ELF5: variants seen among roughly 807,000 people sequenced by gnomAD.
ELF5 encodes E74 like ETS transcription factor 5, also known as ETS-related transcription factor Elf-5.
A neutral mutation model predicts 38.2 loss-of-function variants in ELF5; 31 were observed. The observed-to-expected ratio is 0.81, with a 90% CI of 0.61 to 1.10. The LOEUF (loss-of-function observed/expected upper bound fraction) is 1.10, where lower values mean the gene tolerates loss of function less well. Ranked by LOEUF, ELF5 falls within the 50% of genes least tolerant of loss-of-function variation. The probability of loss-of-function intolerance (pLI) is 0.00; values close to 1 mark genes in which losing one functional copy is unlikely to be tolerated. For synonymous variants in ELF5, 121 were observed against 112.5 expected, an observed-to-expected ratio of 1.08 and a Z score of -0.48; for missense variants, 300 against 306.6, an observed-to-expected ratio of 0.98 and a Z score of 0.16.
At chr11:34,496,991 A>G (rs917455653) in intron 2 of ELF5, among the ~76,000 whole-genome samples, 2 of 152,210 alleles carry the variant, frequency 1.3e-5, no homozygotes, top group African/African-American at 4.8e-5. Flanking sequence ...GATATGTGTA[A>G]TTGTAATTAT....
rs1431731341 is a variant in ELF5 at position 34,511,583 on chromosome 11, C to T, written c.-5+2094G>A. 11 of 1,614,152 alleles carry T rather than the reference C, an allele frequency of 6.8e-6. No individual in the cohort carries two copies. In the South Asian group the frequency reaches 9.9e-5, roughly 15 times the overall value. ...CAGAGATGGCATGGAAGCTGAGGTC[C>T]CCAGATGCCTCCAGTGGCTTCTGAA... On this transcript the variant is annotated intron_variant, in intron 1 of 6. Coordinates refer to ENST00000257832, the MANE Select transcript of ELF5 (RefSeq NM_001422.4).
At chr11:34,495,689 G>A (rs1389111001) in intron 2 of ELF5, among the ~76,000 whole-genome samples, 1 of 152,248 alleles carries the variant, frequency 6.6e-6, no homozygotes, top group Non-Finnish European at 1.5e-5. Context: ...GCTTGAGGCT[G>A]ATGTCGTAGC....
intron 1 of ELF5, among the ~76,000 whole-genome samples, chr11:34,508,793 G>C (rs1590344485): frequency 6.6e-6 from 1 of 152,190 alleles, no homozygotes; most frequent in Non-Finnish European, 1.5e-5. Context: ...CAGGGAATTT[G>C]TGTAACTAGC....
intron 4 of ELF5, among the ~76,000 whole-genome samples, chr11:34,484,755 C>T (rs1480731906): frequency 1.3e-5 from 2 of 152,120 alleles, no homozygotes; most frequent in Non-Finnish European, 2.9e-5. Context: ...TGACCCCCAT[C>T]CAGATCTCCA....
At chr11:34,504,400 CGTGTGT>C (rs71674477) in intron 2 of ELF5, among the ~76,000 whole-genome samples, 1 of 151,720 alleles carries the variant, frequency 6.6e-6, no homozygotes, top group Non-Finnish European at 1.5e-5. Flanking sequence ...TTCACATGTG[CGTGTGT>C]GTGTGTGCAC....
intron 2 of ELF5, among the ~76,000 whole-genome samples, chr11:34,500,932 A>G (rs1390251955): frequency 6.6e-6 from 1 of 152,076 alleles, no homozygotes; most frequent in Admixed American, 6.6e-5. Flanking sequence ...ATAATATTAT[A>G]GCTAACATAT....
At position 34,479,352 on chromosome 11, in the gene ELF5, G is replaced by T. The variant is rs897483788; in HGVS notation, c.*866C>A. 6 of 152,174 alleles carry T rather than the reference G, an allele frequency of 3.9e-5. No homozygotes were observed. In the East Asian group the frequency reaches 1.2e-3, roughly 29 times the overall value. 9.4% of individuals were successfully genotyped at this position (152,174 alleles called of 1,614,324 possible). On this transcript the variant is annotated 3_prime_UTR_variant, in exon 7 of 7. Transcript: ENST00000257832. Reference sequence around the variant, plus strand: ...ATGCCAGTGTCTGTTGACTAACTCTGCATATCAGATGCCAGCCATCAGTTA... The same window carrying T: ...ATGCCAGTGTCTGTTGACTAACTCTTCATATCAGATGCCAGCCATCAGTTA...
intron 4 of ELF5, among the ~76,000 whole-genome samples, chr11:34,485,951 C>T (rs1849982226): frequency 6.6e-6 from 1 of 152,134 alleles, no homozygotes; most frequent in African/African-American, 2.4e-5. Context: ...GACTATGTCC[C>T]TGCAGCTGGT....
chr11:34,504,801 T>C (rs1850565532), intron 2 of ELF5, among the ~76,000 whole-genome samples: 2 of 152,070 alleles, frequency 1.3e-5, no homozygotes, highest in Non-Finnish European at 2.9e-5. Context: ...CCCTCCGGCA[T>C]GGGATTTTCT....
At chr11:34,504,631 A>T (rs1419972720) in intron 2 of ELF5, among the ~76,000 whole-genome samples, 1 of 152,222 alleles carries the variant, frequency 6.6e-6, no homozygotes, top group African/African-American at 2.4e-5. Flanking sequence ...GTTAACACTC[A>T]GTGAGGACTG....
Position 34,480,323 on chromosome 11 carries a change from GC to G in ELF5, c.672-10del, listed in dbSNP as rs755274944. ...CTGTTTTATAGTAGTATCTGAAAAA[GC>G]AAGCAGAAGAGAAATTCTGGGAGAG... is the stretch of plus-strand genomic sequence containing the variant. On this transcript the variant is annotated splice_polypyrimidine_tract_variant and intron_variant, in intron 6 of 6. Transcript: ENST00000257832. 6.2e-6 allele frequency: 10 copies of G among 1,608,858 alleles called. No individual in the cohort carries two copies. The highest frequency in any genetic ancestry group is 1.7e-4 in the Middle Eastern group (1 of 6,058).
chr11:34,509,159 G>T (rs559535254), intron 1 of ELF5, among the ~76,000 whole-genome samples: 8 of 152,178 alleles, frequency 5.3e-5, no homozygotes, highest in Non-Finnish European at 7.4e-5. Context: ...GCGAAACCCC[G>T]TCTCCACTAA....
chr11:34,491,074 G>C (rs1850160205), intron 3 of ELF5, among the ~76,000 whole-genome samples: 1 of 152,138 alleles, frequency 6.6e-6, no homozygotes, highest in African/African-American at 2.4e-5. Context: ...CCATAAAACT[G>C]CCTTATTCTG....
At chr11:34,495,749 C>T (rs1448734393) in intron 2 of ELF5, among the ~76,000 whole-genome samples, 3 of 152,262 alleles carry the variant, frequency 2.0e-5, no homozygotes, top group Non-Finnish European at 4.4e-5. Context: ...ACCGATGACT[C>T]AGGTCTTGCT....
At chr11:34,487,768 AGCGGTTCAAGATG>A (rs532169812) in intron 4 of ELF5, among the ~76,000 whole-genome samples, 36 of 152,094 alleles carry the variant, frequency 2.4e-4, no homozygotes, top group Non-Finnish European at 5.0e-4. Flanking sequence ...GTAGAATCTG[AGCGGTTCAAGATG>A]GCAGCCACCT....
chr11:34,480,359 T>C, intron 6 of ELF5, 45 bp from the exon 7 acceptor site: 1 of 1,463,454 alleles, frequency 6.8e-7, no homozygotes. Flanking sequence ...GCTTGCACCC[T>C]AGGAAAACAA....
intron 2 of ELF5, among the ~76,000 whole-genome samples, chr11:34,494,950 T>C (rs1850280465): frequency 2.0e-5 from 3 of 152,362 alleles, no homozygotes; most frequent in African/African-American, 7.2e-5. Context: ...ATTGAATATC[T>C]ACTATGTGTG....
intron 1 of ELF5, among the ~76,000 whole-genome samples, chr11:34,510,343 T>C (rs1056368434): frequency 7.5e-6 from 1 of 133,432 alleles, no homozygotes; most frequent in South Asian, 2.4e-4. Context: ...ACAGCAGGAG[T>C]GGGTGTTATT....
chr11:34,489,719 T>A (rs2133880154), intron 4 of ELF5, among the ~76,000 whole-genome samples: 1 of 152,298 alleles, frequency 6.6e-6, no homozygotes, highest in African/African-American at 2.4e-5. Flanking sequence ...GCTCTTTGTG[T>A]GCATCATTTC....
Sources: allele counts gnomAD v4.1 joint callset (sites outside exome capture counted in the v4.1 genomes callset), GRCh38; gene constraint gnomAD v4.1.1; transcripts MANE v1.5; gene names NCBI Gene and HGNC (gene_info 2026-07-23, HGNC 2026-07-21).